GALNT13: variants seen among roughly 807,000 people sequenced by gnomAD.
GALNT13 encodes polypeptide N-acetylgalactosaminyltransferase 13, also known as UDP-GalNAc:polypeptide N-acetylgalactosaminyltransferase 13.
A neutral mutation model predicts 64.2 loss-of-function variants in GALNT13; 28 were observed. That is an observed-to-expected ratio of 0.44 (90% CI 0.32 to 0.60). The LOEUF (loss-of-function observed/expected upper bound fraction) is 0.60. Among genes scored for constraint, GALNT13 ranks in the 20% least tolerant of loss-of-function variants. GALNT13 has a pLI of 0.05. For synonymous variants in GALNT13, 214 were observed against 224.6 expected (o/e 0.95, Z 0.42); for missense variants, 577 against 669.8 (o/e 0.86, Z 1.53).
chr2:154,146,195 C>T (rs1683591223), intron 4 of GALNT13, among the ~76,000 whole-genome samples: 1 of 151,484 alleles, frequency 6.6e-6, no homozygotes, highest in Non-Finnish European at 1.5e-5. Flanking sequence ...TATATACATA[C>T]ACACTTGAGG....
chr2:153,963,727 CTCTCTGTGTGTGTGTG>C (rs1445909987), intron 3 of GALNT13, among the ~76,000 whole-genome samples: 6 of 96,676 alleles, frequency 6.2e-5, no homozygotes, highest in South Asian at 3.5e-4. Flanking sequence ...CTCTCTCTCT[CTCTCTGTGTGTGTGTG>C]TGTGTGTGTG....
At chr2:154,097,080 A>G (rs1318214030) in intron 3 of GALNT13, among the ~76,000 whole-genome samples, 1 of 152,050 alleles carries the variant, frequency 6.6e-6, no homozygotes, top group Non-Finnish European at 1.5e-5. Flanking sequence ...TTTACTGCCA[A>G]TTTTAAGAAG....
chr2:153,402,334 G>C, the GALNT13 span, among the ~76,000 whole-genome samples: 2 of 151,550 alleles, frequency 1.3e-5, no homozygotes, highest in East Asian at 3.9e-4. Flanking sequence ...AGGGTAACCC[G>C]ACCTTTCTCT....
chr2:153,667,969 A>G, the GALNT13 span, among the ~76,000 whole-genome samples: 3 of 152,276 alleles, frequency 2.0e-5, no homozygotes, highest in African/African-American at 7.2e-5. Flanking sequence ...AGGGGTTGCT[A>G]TTCTTCAGAC....
At chr2:154,409,708 C>T (rs1301432482) in intron 11 of GALNT13, among the ~76,000 whole-genome samples, 1 of 151,834 alleles carries the variant, frequency 6.6e-6, no homozygotes, top group South Asian at 2.1e-4. Flanking sequence ...ATTTGGAGTT[C>T]CTGGGAACTA....
At chr2:153,516,503 TAG>T in the GALNT13 span, among the ~76,000 whole-genome samples, 1 of 152,014 alleles carries the variant, frequency 6.6e-6, no homozygotes, top group Non-Finnish European at 1.5e-5. Flanking sequence ...GAAGTAGAAA[TAG>T]AGTTTTGGGG....
chr2:153,628,587 G>GC, the GALNT13 span, among the ~76,000 whole-genome samples: 1 of 152,180 alleles, frequency 6.6e-6, no homozygotes, highest in African/African-American at 2.4e-5. Context: ...GGCCTTTTCT[G>GC]CATCTATTGA....
At chr2:153,445,869 T>C in the GALNT13 span, among the ~76,000 whole-genome samples, 6 of 152,166 alleles carry the variant, frequency 3.9e-5, no homozygotes, top group Admixed American at 1.3e-4. Flanking sequence ...CTCATCACTA[T>C]CTTTTAACAT....
At chr2:154,415,209 C>T (rs895913377) in intron 11 of GALNT13, among the ~76,000 whole-genome samples, 2 of 151,202 alleles carry the variant, frequency 1.3e-5, no homozygotes, top group African/African-American at 4.9e-5. Context: ...ACATTTATAA[C>T]ATAAACATTT....
At chr2:153,638,695 T>C in the GALNT13 span, among the ~76,000 whole-genome samples, 1 of 151,968 alleles carries the variant, frequency 6.6e-6, no homozygotes, top group African/African-American at 2.4e-5. Flanking sequence ...AAACTTAATT[T>C]ATATGGCCAC....
the GALNT13 span, among the ~76,000 whole-genome samples, chr2:153,548,774 G>C: frequency 3.9e-5 from 6 of 152,258 alleles, no homozygotes; most frequent in Non-Finnish European, 8.8e-5. Context: ...CCACTTCCAA[G>C]TGTATACCCA....
chr2:153,766,776 A>G, the GALNT13 span, among the ~76,000 whole-genome samples: 1 of 151,786 alleles, frequency 6.6e-6, no homozygotes, highest in Admixed American at 6.6e-5. Context: ...ATTTCACTTA[A>G]TATTTTATTA....
Position 154,322,144 on chromosome 2 carries a change from C to CTTTTTTTTTTT in GALNT13, c.1156+20575_1156+20585dup, listed in dbSNP as rs70983718. 6.6e-4 allele frequency among the ~76,000 whole-genome samples: 11 copies of CTTTTTTTTTTT among 16,636 alleles called. 2 individuals are homozygous for CTTTTTTTTTTT. Among genetic ancestry groups the CTTTTTTTTTTT allele is most frequent in the East Asian group, 1.8e-3 (1 of 556 alleles). 10.9% of individuals were successfully genotyped at this position (16,636 alleles called of 152,430 possible). A position where few individuals can be genotyped will look rare whatever the true frequency, so the allele number is the denominator to read the frequency against. On this transcript the variant is annotated intron_variant, in intron 9 of 12. Transcript: ENST00000392825. ...TTGAGTTTACTTTCTAAAATATGTACTTTTTTTTTTTTTTTTTTTTTTTTT... is the reference window on the plus strand; with the variant it reads ...TTGAGTTTACTTTCTAAAATATGTACTTTTTTTTTTTTTTTTTTTTTTTTTTTTTTTTTTTT...
At chr2:153,104,832 A>G in the GALNT13 span, among the ~76,000 whole-genome samples, 1 of 152,118 alleles carries the variant, frequency 6.6e-6, no homozygotes, top group East Asian at 1.9e-4. Flanking sequence ...TCTCTTTTTC[A>G]CAGACCTATT....
the GALNT13 span, among the ~76,000 whole-genome samples, chr2:153,452,442 C>T: frequency 6.6e-6 from 1 of 151,796 alleles, no homozygotes; most frequent in Non-Finnish European, 1.5e-5. Flanking sequence ...TGCACCACTG[C>T]ACTCCAGCCT....
chr2:153,801,832 C>G, the GALNT13 span, among the ~76,000 whole-genome samples: 4 of 152,048 alleles, frequency 2.6e-5, no homozygotes, highest in African/African-American at 9.7e-5. Flanking sequence ...TTGTGTATGG[C>G]TTTTTTGTAT....
chr2:154,360,009 A>G (rs1462435684), intron 9 of GALNT13, among the ~76,000 whole-genome samples: 2 of 152,180 alleles, frequency 1.3e-5, no homozygotes, highest in Admixed American at 1.3e-4. Flanking sequence ...CAAAGACAAT[A>G]TTATGTCTAA....
chr2:153,710,176 A>G, the GALNT13 span, among the ~76,000 whole-genome samples: 1 of 152,142 alleles, frequency 6.6e-6, no homozygotes, highest in African/African-American at 2.4e-5. Flanking sequence ...TGATAGATAC[A>G]TTAGTTACGT....
the GALNT13 span, among the ~76,000 whole-genome samples, chr2:153,377,152 C>T: frequency 6.6e-6 from 1 of 152,056 alleles, no homozygotes; most frequent in Non-Finnish European, 1.5e-5. Context: ...AGAGGATGCA[C>T]AGAAGAAAGA....
Sources: gnomAD v4.1 joint callset for allele counts (sites outside exome capture counted in the v4.1 genomes callset) on GRCh38, gnomAD v4.1.1 for gene constraint, MANE v1.5 for transcripts, NCBI Gene and HGNC (gene_info 2026-07-23, HGNC 2026-07-21) for gene names.